The following DELE1 variants were observed in gnomAD, a reference collection of about 807,000 sequenced individuals.
DELE1 encodes the protein DAP3 binding cell death enhancer 1.
Under a neutral mutation model 59.3 loss-of-function variants are expected in DELE1, and 54 were observed. The observed-to-expected ratio is 0.91, with a 90% confidence interval of 0.73 to 1.14. The LOEUF (loss-of-function observed/expected upper bound fraction) is 1.14, where lower values mean the gene tolerates loss of function less well. Among genes scored for constraint, DELE1 ranks in the 50% most tolerant of loss-of-function variants. The pLI is 0.00. For synonymous variants in DELE1, 264 were observed against 259.1 expected (o/e 1.02, Z -0.18); for missense variants, 636 against 643.9 (o/e 0.99, Z 0.13).
rs761762806 is a variant in DELE1, at chr5:141,923,955, C to T, written c.14C>T (p.Pro5Leu). The T allele has an allele frequency of 6.2e-6, 10 of 1,609,102 alleles. No individual in the cohort carries two copies. In the Admixed American group the frequency reaches 1.2e-4, roughly 19 times the overall value. The change falls in exon 1 of 12, where the codon CCG (proline) becomes CTG (leucine). Residue 5 changes from proline (P) to leucine (L), a missense_variant. Physicochemically the swap from Pro to Leu is moderately conservative, Grantham distance 98. Transcript: ENST00000432126. ...GCTGGCAGCGACATGTGGCGCCTCC[C>T]GGGACTCCTGGGCCGAGGTAAGGGA... is the stretch of plus-strand genomic sequence containing the variant. The part of the protein sequence containing the change: MWRL[P>L]GLLGRALPRT...
intron 10 of DELE1, chr5:141,934,897 A>G (rs191739129): frequency 6.5e-5 from 25 of 382,040 alleles, no homozygotes; most frequent in Non-Finnish European, 1.1e-4. Flanking sequence ...CAGTTGTTCA[A>G]CATTTACCAG....
chr5:141,935,986 C>A (rs1349481784), intron 10 of DELE1, among the ~76,000 whole-genome samples: 2 of 152,080 alleles, frequency 1.3e-5, no homozygotes, highest in African/African-American at 2.4e-5. Context: ...AGACTTTTGG[C>A]CTGTGTGTTA....
chr5:141,940,423 A>G lies in DELE1; in HGVS notation c.*1664A>G. ...TGGTTGAGAGTGGGGTCTGGGAGGG[A>G]TAGAGAGCCCACCGCCCACCCCCCA... On this transcript the variant is annotated 3_prime_UTR_variant, in exon 12 of 12. Coordinates refer to ENST00000432126, the MANE Select transcript of DELE1 (RefSeq NM_014773.5). 3.2e-6 allele frequency: 3 copies of G among 927,538 alleles called. No homozygotes were observed. The highest frequency in any genetic ancestry group is 5.3e-5 in the South Asian group (1 of 18,726). 57.5% of individuals were successfully genotyped at this position (927,538 alleles called of 1,614,324 possible). A position where few individuals can be genotyped will look rare whatever the true frequency, so the allele number is the denominator to read the frequency against.
Position 141,938,987 on chromosome 5 carries a change from C to T in DELE1, c.*228C>T. On this transcript the variant is annotated 3_prime_UTR_variant, in exon 12 of 12. Coordinates refer to ENST00000432126, the MANE Select transcript of DELE1 (RefSeq NM_014773.5). ...TCACAGTCATTTCTGGTCTGTGCAC[C>T]AAAGGATGCATTCAGTGACCTATGA... The T allele has an allele frequency of 7.3e-7, 1 of 1,365,436 alleles. No homozygotes were observed. The highest frequency in any genetic ancestry group is 9.4e-7 in the Non-Finnish European group (1 of 1,060,820). 84.6% of individuals were successfully genotyped at this position (1,365,436 alleles called of 1,614,324 possible).
At chr5:141,937,694 C>T (rs1298871447) in intron 11 of DELE1, among the ~76,000 whole-genome samples, 1 of 147,216 alleles carries the variant, frequency 6.8e-6, no homozygotes, top group Admixed American at 6.7e-5. Flanking sequence ...TGGCGTGAAC[C>T]CGGGAGGCAG....
In DELE1 at chr5:141,939,616, G is replaced by C. The variant is rs1420166117; in HGVS notation, c.*857G>C. On this transcript the variant is annotated 3_prime_UTR_variant, in exon 12 of 12. Coordinates refer to ENST00000432126, the MANE Select transcript of DELE1 (RefSeq NM_014773.5). ...TTCTCAGAGAGATATCACAATTTGA[G>C]TCCCAAAGAAGAGGCCAGATACCCA... 1.0e-5 allele frequency: 10 copies of C among 985,754 alleles called. No homozygotes were observed. The Admixed American group carries it at 6.1e-4, about 61-fold the overall frequency. The allele number at this position is 985,754 out of a possible 1,614,324, so 61.1% of individuals were successfully genotyped here. A position where few individuals can be genotyped will look rare whatever the true frequency, so the allele number is the denominator to read the frequency against.
intron 1 of DELE1, among the ~76,000 whole-genome samples, chr5:141,924,335 C>T (rs1354789600): frequency 2.6e-5 from 4 of 152,120 alleles, no homozygotes; most frequent in East Asian, 1.9e-4. Context: ...TATGTATGAA[C>T]GTTTGGTCAT....
intron 11 of DELE1, among the ~76,000 whole-genome samples, chr5:141,938,120 C>T (rs1429998563): frequency 6.6e-6 from 1 of 152,088 alleles, no homozygotes; most frequent in Non-Finnish European, 1.5e-5. Context: ...GCCACCGCGC[C>T]CAGTCAAACC....
chr5:141,941,832 C>T lies in DELE1; in HGVS notation c.*3073C>T. 1.0e-6 allele frequency: 1 copy of T among 985,370 alleles called. No individual in the cohort carries two copies. Among genetic ancestry groups the T allele is most frequent in the Non-Finnish European group, 1.2e-6 (1 of 829,922 alleles). 61.0% of individuals were successfully genotyped at this position (985,370 alleles called of 1,614,324 possible). ...CAAATAAGTGAGTGATTATACTCAACTCCCCCCACCCAATGCCCAGCACCA... is the reference window on the plus strand; with the variant it reads ...CAAATAAGTGAGTGATTATACTCAATTCCCCCCACCCAATGCCCAGCACCA... On this transcript the variant is annotated 3_prime_UTR_variant, in exon 12 of 12. Coordinates refer to ENST00000432126, the MANE Select transcript of DELE1 (RefSeq NM_014773.5).
intron 2 of DELE1, 51 bp downstream of exon 2, chr5:141,924,746 T>A (rs1751237610): frequency 8.4e-7 from 1 of 1,195,086 alleles, no homozygotes; most frequent in Non-Finnish European, 1.2e-6. Context: ...CACCCTTTTT[T>A]TTTATTTTTT....
At chr5:141,929,437 AT>A in intron 4 of DELE1, 144 bp from the exon 5 acceptor site, 1 of 772,224 alleles carries the variant, frequency 1.3e-6, no homozygotes, top group South Asian at 1.7e-5. Flanking sequence ...TTTAGTACAG[AT>A]GGGGTTTCAC....
At position 141,934,241 on chromosome 5, in the gene DELE1, C is replaced by A; in HGVS notation, c.899C>A (p.Ala300Glu). ...TGGGTGTTTCTCCCTTTGCCCCAGG[C>A]GGTCCTTTATTATCAGTTGGCTGCC... is the stretch of plus-strand genomic sequence containing the variant. ...GRGTPRDISK[A>E]VLYYQLAASQ... Residue 300 changes from alanine to glutamate, a missense_variant and splice_region_variant, in exon 9 of 12, where the codon GCG becomes GAG. By Grantham distance (107) the Ala-to-Glu change is moderately radical. Transcript: ENST00000432126. 4 of 1,604,116 alleles carry A rather than the reference C, an allele frequency of 2.5e-6. No homozygotes were observed. Among genetic ancestry groups the A allele is most frequent in the South Asian group, 2.2e-5 (2 of 90,704 alleles).
At chr5:141,924,214 G>A (rs1751178743) in intron 1 of DELE1, among the ~76,000 whole-genome samples, 1 of 152,220 alleles carries the variant, frequency 6.6e-6, no homozygotes, top group Admixed American at 6.5e-5. Flanking sequence ...TCCAATGGCA[G>A]GAGATGGTGG....
At chr5:141,938,170 G>A (rs1752520175) in intron 11 of DELE1, among the ~76,000 whole-genome samples, 1 of 152,096 alleles carries the variant, frequency 6.6e-6, no homozygotes. Context: ...TGGACTCCAT[G>A]GCTTAGTGCC....
rs1339341463 is a variant in DELE1, at chr5:141,938,852, G to T, written c.*93G>T. ...ATAGAGCATCAGCAACCCTTTCCAG[G>T]TAGAAATTCCAGCGGGAGTTCAGGT... On this transcript the variant is annotated 3_prime_UTR_variant, in exon 12 of 12. Transcript: ENST00000432126. 1 of 1,499,746 alleles carries T rather than the reference G, an allele frequency of 6.7e-7. No individual in the cohort carries two copies. Among genetic ancestry groups the T allele is most frequent in the Non-Finnish European group, 8.8e-7 (1 of 1,130,928 alleles). 92.9% of individuals were successfully genotyped at this position (1,499,746 alleles called of 1,614,324 possible).
chr5:141,924,813 T>TG lies in DELE1; in HGVS notation c.146+122dup, dbSNP rs1751252398. 7 of 661,316 alleles carry TG rather than the reference T, an allele frequency of 1.1e-5. No individual in the cohort carries two copies. The East Asian group carries it at 1.9e-4, about 18-fold the overall frequency. 41.0% of individuals were successfully genotyped at this position (661,316 alleles called of 1,614,324 possible). ...TTCTGTCGCCCAGGCTGGAGTGCAG[T>TG]GGGGCAATCTCAGCTCACTGCAACC... On this transcript the variant is annotated intron_variant, in intron 2 of 11. Transcript: ENST00000432126.
At chr5:141,926,209 T>G (rs917530) in intron 3 of DELE1, among the ~76,000 whole-genome samples, 9,189 of 152,244 alleles carry the variant, frequency 0.06, 923 homozygotes, top group African/African-American at 0.21. Flanking sequence ...TAAAGTATTA[T>G]ACATGCATTA....
chr5:141,931,160 T>C (rs967896760), intron 7 of DELE1: 4 of 152,226 alleles, frequency 2.6e-5, no homozygotes, highest in African/African-American at 9.6e-5. Flanking sequence ...ATCTAAGACC[T>C]GTCACAAAGA....
In DELE1 at chr5:141,925,506, C is replaced by T; in HGVS notation, c.243C>T (p.Thr81=). The stretch of plus-strand genomic sequence containing the variant: ...TGTCTTCCCGTGTCTCCCCGAACAC[C>T]CTATGGGATGCCATATCTTGGGTAA... ...QWMSSRVSPN[T]LWDAISWGTL... The change falls in exon 3 of 12, where the codon ACC becomes ACT. Residue 81 remains threonine (T), a synonymous_variant. Coordinates refer to ENST00000432126, the MANE Select transcript of DELE1 (RefSeq NM_014773.5). 1 of 1,595,056 alleles carries T rather than the reference C, an allele frequency of 6.3e-7. No individual in the cohort carries two copies. The highest frequency in any genetic ancestry group is 8.5e-7 in the Non-Finnish European group (1 of 1,170,770).
Sources: allele counts gnomAD v4.1 joint callset (sites outside exome capture counted in the v4.1 genomes callset), GRCh38; gene constraint gnomAD v4.1.1; transcripts MANE v1.5; gene names NCBI Gene and HGNC (gene_info 2026-07-23, HGNC 2026-07-21).